The following NFATC3 variants were observed in gnomAD, a reference collection of about 807,000 sequenced individuals.
NFATC3 encodes the protein nuclear factor of activated T-cells, cytoplasmic 3.
NFATC3 carries 46 observed loss-of-function variants against 98.6 expected under a neutral mutation model. That is an observed-to-expected ratio of 0.47 (90% CI 0.37 to 0.60). NFATC3 has a LOEUF of 0.60. Among genes scored for constraint, NFATC3 ranks in the 20% least tolerant of loss-of-function variants. NFATC3 has a pLI of 0.00. For synonymous variants in NFATC3, 512 were observed against 472.2 expected (o/e 1.08, Z -1.09); for missense variants, 1,256 against 1,295.5 (o/e 0.97, Z 0.47).
At chr16:68,175,529 C>A (rs1442829949) in intron 6 of NFATC3, among the ~76,000 whole-genome samples, 1 of 152,014 alleles carries the variant, frequency 6.6e-6, no homozygotes, top group Non-Finnish European at 1.5e-5. Context: ...TCAGTTGTTT[C>A]CTCTCAGTTT....
chr16:68,087,383 G>T (rs779759344), intron 1 of NFATC3, among the ~76,000 whole-genome samples: 3 of 152,206 alleles, frequency 2.0e-5, no homozygotes, highest in Non-Finnish European at 4.4e-5. Context: ...AATTTTTAAT[G>T]ATCTTTACCA....
intron 6 of NFATC3, among the ~76,000 whole-genome samples, chr16:68,179,200 C>G (rs1314651122): frequency 6.6e-6 from 1 of 152,160 alleles, no homozygotes; most frequent in African/African-American, 2.4e-5. Context: ...CTCACTACCC[C>G]TCCCCAAGAT....
intron 1 of NFATC3, among the ~76,000 whole-genome samples, chr16:68,094,782 G>A (rs899196974): frequency 6.6e-6 from 1 of 152,140 alleles, no homozygotes; most frequent in African/African-American, 2.4e-5. Context: ...TAATCTTCTA[G>A]TTTAAATATA....
At chr16:68,200,826 C>T (rs1426436246) in intron 9 of NFATC3, 5 of 152,064 alleles carry the variant, frequency 3.3e-5, no homozygotes, top group East Asian at 3.8e-4. Flanking sequence ...TGTAATTTTC[C>T]GTAAACATTT....
At chr16:68,200,199 C>G (rs1030046456) in intron 9 of NFATC3, 2 of 151,728 alleles carry the variant, frequency 1.3e-5, no homozygotes, top group Non-Finnish European at 2.9e-5. Flanking sequence ...CTGCTTGAAC[C>G]GTGATGTTTA....
At chr16:68,173,275 T>C (rs1258407588) in intron 5 of NFATC3, among the ~76,000 whole-genome samples, 1 of 150,720 alleles carries the variant, frequency 6.6e-6, no homozygotes, top group Non-Finnish European at 1.5e-5. Flanking sequence ...TTAAAAAAAA[T>C]AAAAATATAG....
chr16:68,208,154 G>A (rs2041226903), intron 9 of NFATC3, among the ~76,000 whole-genome samples: 1 of 152,050 alleles, frequency 6.6e-6, no homozygotes, highest in South Asian at 2.1e-4. Context: ...TCCTGCCTCA[G>A]CCTCCTGAGT....
chr16:68,086,866 A>G (rs969047963), intron 1 of NFATC3: 1 of 808,962 alleles, frequency 1.2e-6, no homozygotes, highest in African/African-American at 1.9e-5. Flanking sequence ...TACATAATTT[A>G]TAATAGTTAT....
intron 6 of NFATC3, among the ~76,000 whole-genome samples, chr16:68,181,121 A>G (rs2039934113): frequency 6.6e-6 from 1 of 152,216 alleles, no homozygotes; most frequent in African/African-American, 2.4e-5. Context: ...AGTCCCACCA[A>G]CAGTGTAAAA....
intron 9 of NFATC3, among the ~76,000 whole-genome samples, chr16:68,193,975 A>G (rs1308044122): frequency 1.3e-5 from 2 of 152,156 alleles, no homozygotes; most frequent in African/African-American, 2.4e-5. Flanking sequence ...TTTTAAAGCC[A>G]TGAGGGGACA....
intron 1 of NFATC3, among the ~76,000 whole-genome samples, chr16:68,107,539 A>G (rs763345457): frequency 2.0e-5 from 3 of 152,170 alleles, no homozygotes; most frequent in Admixed American, 6.5e-5. Flanking sequence ...CCTGGCCAAC[A>G]TGATGAAACG....
intron 1 of NFATC3, among the ~76,000 whole-genome samples, chr16:68,107,615 T>A (rs1199462682): frequency 6.6e-6 from 1 of 151,994 alleles, no homozygotes; most frequent in Non-Finnish European, 1.5e-5. Flanking sequence ...CCCAGCTACT[T>A]GGGAGGCTGA....
At chr16:68,129,757 A>G (rs1331717441) in intron 3 of NFATC3, among the ~76,000 whole-genome samples, 1 of 148,500 alleles carries the variant, frequency 6.7e-6, no homozygotes, top group East Asian at 2.0e-4. Flanking sequence ...ACCTAACTGC[A>G]GTCTCAAACT....
chr16:68,123,301 T>C (rs916796944), intron 2 of NFATC3, among the ~76,000 whole-genome samples, 180 bp downstream of exon 2: 1 of 152,156 alleles, frequency 6.6e-6, no homozygotes, highest in African/African-American at 2.4e-5. Context: ...TTAAAAGTAT[T>C]TTTAGATAGG....
chr16:68,206,871 T>A (rs1288828645), intron 9 of NFATC3, among the ~76,000 whole-genome samples: 1 of 151,714 alleles, frequency 6.6e-6, no homozygotes, highest in African/African-American at 2.4e-5. Context: ...TAGTTCTAGC[T>A]ACTCAGGAGG....
At chr16:68,151,928 G>A (rs1054216063) in intron 3 of NFATC3, among the ~76,000 whole-genome samples, 1 of 151,934 alleles carries the variant, frequency 6.6e-6, no homozygotes, top group African/African-American at 2.4e-5. Context: ...AGTTAGCTGG[G>A]CGTGGTGGCA....
intron 4 of NFATC3, among the ~76,000 whole-genome samples, chr16:68,163,697 G>A (rs1189027594): frequency 6.6e-6 from 1 of 151,454 alleles, no homozygotes; most frequent in Non-Finnish European, 1.5e-5. Flanking sequence ...GGGCGGCCGG[G>A]CAGAGACGCT....
intron 5 of NFATC3, among the ~76,000 whole-genome samples, chr16:68,169,724 T>A (rs1032671856): frequency 6.6e-6 from 1 of 151,832 alleles, no homozygotes; most frequent in African/African-American, 2.4e-5. Context: ...GTGGATCACC[T>A]GAGGTCAGGA....
At chr16:68,091,229 A>G (rs572868990) in intron 1 of NFATC3, among the ~76,000 whole-genome samples, 2 of 152,356 alleles carry the variant, frequency 1.3e-5, no homozygotes, top group African/African-American at 2.4e-5. Context: ...CTTGGGTATT[A>G]TATACATAGC....
Sources: allele counts gnomAD v4.1 joint callset (sites outside exome capture counted in the v4.1 genomes callset), GRCh38; gene constraint gnomAD v4.1.1; transcripts MANE v1.5; gene names NCBI Gene and HGNC (gene_info 2026-07-23, HGNC 2026-07-21).